The following URI1 variants were observed in gnomAD, a reference collection of about 807,000 sequenced individuals.
URI1 encodes the protein URI1 prefoldin like chaperone.
Under a neutral mutation model 60.2 loss-of-function variants are expected in URI1, and 39 were observed. The ratio of observed to expected loss-of-function variants is 0.65; its 90% CI spans 0.50 to 0.85. URI1 has a LOEUF of 0.85. Among genes scored for constraint, URI1 ranks in the 40% least tolerant of loss-of-function variants. URI1 has a pLI of 0.00. For synonymous variants in URI1, 251 were observed against 236.8 expected, an observed-to-expected ratio of 1.06 and a Z score of -0.55; for missense variants, 691 against 665.9, an observed-to-expected ratio of 1.04 and a Z score of -0.42.
At chr19:29,998,660 C>G (rs2055841712) in intron 4 of URI1, among the ~76,000 whole-genome samples, 1 of 152,014 alleles carries the variant, frequency 6.6e-6, no homozygotes, top group South Asian at 2.1e-4. Flanking sequence ...TATGGAATAT[C>G]TTTTTCATTC....
At chr19:29,954,925 C>CA (rs1047861551) in intron 1 of URI1, among the ~76,000 whole-genome samples, 29 of 152,072 alleles carry the variant, frequency 1.9e-4, no homozygotes, top group African/African-American at 7.0e-4. Context: ...ATACAAAAGG[C>CA]AGCTTATTTT....
chr19:29,985,392 T>A, intron 3 of URI1, 91 bp downstream of exon 3: 2 of 1,092,220 alleles, frequency 1.8e-6, no homozygotes, highest in Non-Finnish European at 2.7e-6. Context: ...GCTGATGGAC[T>A]GTGTCCAAGG....
intron 1 of URI1, among the ~76,000 whole-genome samples, chr19:29,967,153 T>C (rs1453289143): frequency 6.6e-6 from 1 of 152,210 alleles, no homozygotes; most frequent in African/African-American, 2.4e-5. Flanking sequence ...AAAAAGCAGC[T>C]TCTGAGGAAC....
intron 2 of URI1, among the ~76,000 whole-genome samples, chr19:29,979,321 A>G (rs188937295): frequency 3.3e-5 from 5 of 152,292 alleles, no homozygotes; most frequent in Admixed American, 1.3e-4. Context: ...AAAATTAACT[A>G]GGCACTTTAG....
intron 10 of URI1, among the ~76,000 whole-genome samples, chr19:30,014,651 T>A (rs1261429403): frequency 2.0e-5 from 3 of 152,202 alleles, no homozygotes; most frequent in Admixed American, 2.0e-4. Context: ...AAATTTACAT[T>A]TTACATTTTG....
intron 1 of URI1, among the ~76,000 whole-genome samples, chr19:29,944,190 TATAA>T: frequency 9.0e-6 from 1 of 110,894 alleles, no homozygotes; most frequent in Non-Finnish European, 1.8e-5. Context: ...TATATATATA[TATAA>T]AACTTAACTA....
At chr19:30,010,878 G>A (rs1023587091) in intron 8 of URI1, among the ~76,000 whole-genome samples, 2 of 152,064 alleles carry the variant, frequency 1.3e-5, no homozygotes, top group African/African-American at 4.8e-5. Context: ...CTGAAGACTA[G>A]GATTTGTTAA....
intron 1 of URI1, among the ~76,000 whole-genome samples, chr19:29,966,834 T>G (rs1027718918): frequency 1.3e-5 from 2 of 152,216 alleles, no homozygotes; most frequent in African/African-American, 4.8e-5. Context: ...CAGCTCTGAT[T>G]AGCACAGTTC....
intron 1 of URI1, among the ~76,000 whole-genome samples, chr19:29,959,167 C>T (rs2055289590): frequency 6.6e-6 from 1 of 152,110 alleles, no homozygotes. Context: ...TCGCTCTCAT[C>T]CAGGCTGGAG....
intron 4 of URI1, among the ~76,000 whole-genome samples, chr19:29,991,244 A>C (rs2055742237): frequency 6.6e-6 from 1 of 152,208 alleles, no homozygotes. Context: ...AAATACTTAC[A>C]GCCTGTAAAT....
intron 1 of URI1, among the ~76,000 whole-genome samples, chr19:29,966,134 GTTGA>G (rs2055388545): frequency 1.3e-5 from 2 of 152,120 alleles, no homozygotes; most frequent in South Asian, 4.1e-4. Flanking sequence ...TTTTATGGTG[GTTGA>G]TTTATTTATT....
In URI1 at chr19:30,015,171, C is replaced by A; in HGVS notation, c.*102C>A. On this transcript the variant is annotated 3_prime_UTR_variant, in exon 11 of 11. Transcript: ENST00000392271. ...TTACATGTAGTTTGAAATAAGGTAT[C>A]CTGAGTTACTTTGGCAACAAGTTCT... 1 of 1,473,924 alleles carries A rather than the reference C, an allele frequency of 6.8e-7. No individual in the cohort carries two copies. The highest frequency in any genetic ancestry group is 1.5e-5 in the South Asian group (1 of 66,322). The allele number at this position is 1,473,924 out of a possible 1,614,324, so 91.3% of individuals were successfully genotyped here. A position where few individuals can be genotyped will look rare whatever the true frequency, so the allele number is the denominator to read the frequency against.
chr19:29,980,629 A>AAC (rs1326697498), intron 2 of URI1, among the ~76,000 whole-genome samples: 3 of 147,144 alleles, frequency 2.0e-5, no homozygotes, highest in Non-Finnish European at 4.5e-5. Context: ...AAAAAAAAAA[A>AAC]AAAAAAAAAA....
intron 7 of URI1, among the ~76,000 whole-genome samples, chr19:30,008,462 G>A (rs1038543436): frequency 3.9e-5 from 6 of 152,030 alleles, no homozygotes; most frequent in African/African-American, 1.4e-4. Context: ...TTTCAGTTCT[G>A]TTGCATTTTC....
intron 2 of URI1, among the ~76,000 whole-genome samples, chr19:29,980,880 C>G (rs1409369199): frequency 6.9e-6 from 1 of 145,824 alleles, no homozygotes; most frequent in Non-Finnish European, 1.5e-5. Flanking sequence ...CGAGATCACG[C>G]CACGGCACTC....
intron 4 of URI1, among the ~76,000 whole-genome samples, chr19:30,003,829 A>G (rs916322718): frequency 6.6e-6 from 1 of 152,108 alleles, no homozygotes; most frequent in Non-Finnish European, 1.5e-5. Context: ...TCTTCTTGAA[A>G]AAAGTTATTG....
intron 2 of URI1, among the ~76,000 whole-genome samples, chr19:29,982,098 C>G (rs758230998): frequency 1.3e-5 from 2 of 152,318 alleles, no homozygotes; most frequent in South Asian, 4.1e-4. Flanking sequence ...GAGGGTTCCT[C>G]AAGCTGTAGT....
chr19:29,972,574 T>C (rs1341303618), intron 2 of URI1, among the ~76,000 whole-genome samples: 1 of 152,144 alleles, frequency 6.6e-6, no homozygotes, highest in Non-Finnish European at 1.5e-5. Context: ...GGTAACTTGC[T>C]TCTGGTTTGT....
chr19:30,007,457 T>A lies in URI1; in HGVS notation c.518-13T>A. 1 of 1,611,166 alleles carries A rather than the reference T, an allele frequency of 6.2e-7. No individual in the cohort carries two copies. Among genetic ancestry groups the A allele is most frequent in the Non-Finnish European group, 8.5e-7 (1 of 1,178,558 alleles). On this transcript the variant is annotated splice_polypyrimidine_tract_variant and intron_variant, in intron 6 of 10. Coordinates refer to ENST00000392271, the MANE Select transcript of URI1 (RefSeq NM_003796.3). ...GGCTATTAACAGCCACGTCTTTTCCTTTTTCTAAATAGCAAAACACCGAAT... is the reference window on the plus strand; with the variant it reads ...GGCTATTAACAGCCACGTCTTTTCCATTTTCTAAATAGCAAAACACCGAAT...
Sources: allele counts gnomAD v4.1 joint callset (sites outside exome capture counted in the v4.1 genomes callset), GRCh38; gene constraint gnomAD v4.1.1; transcripts MANE v1.5; gene names NCBI Gene and HGNC (gene_info 2026-07-23, HGNC 2026-07-21).